KCNH5: variants seen among roughly 807,000 people sequenced by gnomAD.
KCNH5 encodes the protein voltage-gated delayed rectifier potassium channel KCNH5.
KCNH5 carries 46 observed loss-of-function variants against 96.1 expected under a neutral mutation model. The observed-to-expected ratio is 0.48, with a 90% CI of 0.38 to 0.61. The LOEUF (loss-of-function observed/expected upper bound fraction) is 0.61, where lower values mean the gene tolerates loss of function less well. Ranked by LOEUF, KCNH5 falls within the 20% of genes least tolerant of loss-of-function variation. KCNH5 has a pLI of 0.00. For missense variants in KCNH5, 907 were observed against 1,225.8 expected (o/e 0.74, Z 3.88); for synonymous variants, 439 against 449.8 (o/e 0.98, Z 0.30).
chr14:62,937,567 A>C (rs1889709200), intron 7 of KCNH5, among the ~76,000 whole-genome samples: 1 of 152,172 alleles, frequency 6.6e-6, no homozygotes, highest in Non-Finnish European at 1.5e-5. Context: ...ACAGAAGTAA[A>C]AGGAAGGCCA....
At chr14:62,736,015 T>C (rs1478042041) in intron 10 of KCNH5, among the ~76,000 whole-genome samples, 1 of 152,206 alleles carries the variant, frequency 6.6e-6, no homozygotes, top group Non-Finnish European at 1.5e-5. Context: ...AGAGAGACTA[T>C]GGCCCTGCTG....
intron 6 of KCNH5, among the ~76,000 whole-genome samples, chr14:62,970,227 G>T (rs1890381706): frequency 6.6e-6 from 1 of 151,804 alleles, no homozygotes; most frequent in Non-Finnish European, 1.5e-5. Flanking sequence ...CCACAGATTT[G>T]ATAAATCTGA....
chr14:62,808,721 G>C (rs1886817713), intron 8 of KCNH5, among the ~76,000 whole-genome samples: 1 of 152,062 alleles, frequency 6.6e-6, no homozygotes, highest in South Asian at 2.1e-4. Context: ...ATATGACTTA[G>C]TGTATGTTAT....
At chr14:62,850,766 C>A (rs1277251848) in intron 7 of KCNH5, among the ~76,000 whole-genome samples, 3 of 152,096 alleles carry the variant, frequency 2.0e-5, no homozygotes, top group Admixed American at 1.3e-4. Flanking sequence ...AACTTCCCTG[C>A]CCCTCTGGTT....
intron 9 of KCNH5, among the ~76,000 whole-genome samples, chr14:62,795,775 G>C (rs2139993220): frequency 6.6e-6 from 1 of 152,160 alleles, no homozygotes; most frequent in South Asian, 2.1e-4. Context: ...AGGATAAACA[G>C]GGGAAGGATA....
At chr14:62,882,100 TAAAAAAAA>T (rs143123435) in intron 7 of KCNH5, among the ~76,000 whole-genome samples, 5 of 76,672 alleles carry the variant, frequency 6.5e-5, no homozygotes, top group African/African-American at 2.4e-4. Flanking sequence ...CCCCATTTCT[TAAAAAAAA>T]AAAAAAAAAA....
chr14:62,757,572 G>C (rs1885650395), intron 10 of KCNH5, among the ~76,000 whole-genome samples: 1 of 145,048 alleles, frequency 6.9e-6, no homozygotes, highest in Non-Finnish European at 1.5e-5. Context: ...TATAGATAAA[G>C]AAAATGTGGC....
intron 1 of KCNH5, among the ~76,000 whole-genome samples, chr14:63,031,512 G>A (rs942466456): frequency 6.6e-6 from 1 of 151,960 alleles, no homozygotes; most frequent in Non-Finnish European, 1.5e-5. Context: ...CAACATGATC[G>A]GACTGGTTTT....
At chr14:62,825,795 C>T (rs1274773774) in intron 8 of KCNH5, among the ~76,000 whole-genome samples, 1 of 151,402 alleles carries the variant, frequency 6.6e-6, no homozygotes, top group African/African-American at 2.4e-5. Context: ...TACTTTGTCT[C>T]TCTTGCTTTT....
chr14:62,908,875 T>C (rs1030851183), intron 7 of KCNH5, among the ~76,000 whole-genome samples: 1 of 129,370 alleles, frequency 7.7e-6, no homozygotes, highest in African/African-American at 3.0e-5. Context: ...TTCTAGCAAA[T>C]CACCAAACTT....
At chr14:62,821,773 T>C (rs1178073986) in intron 8 of KCNH5, among the ~76,000 whole-genome samples, 1 of 152,100 alleles carries the variant, frequency 6.6e-6, no homozygotes, top group Non-Finnish European at 1.5e-5. Flanking sequence ...ACAGATTTCA[T>C]ATGTAAAAGA....
chr14:62,735,623 C>T (rs936327431), intron 10 of KCNH5, among the ~76,000 whole-genome samples: 1 of 152,064 alleles, frequency 6.6e-6, no homozygotes, highest in African/African-American at 2.4e-5. Context: ...ACAATCCATC[C>T]ACTTCTCACC....
chr14:62,957,810 C>A (rs1890133426), intron 6 of KCNH5, among the ~76,000 whole-genome samples: 1 of 152,130 alleles, frequency 6.6e-6, no homozygotes, highest in Non-Finnish European at 1.5e-5. Flanking sequence ...CTACTCAGGC[C>A]CTAGCCAACT....
Position 62,853,985 on chromosome 14 carries a change from C to T in KCNH5, c.1370-4133G>A, listed in dbSNP as rs550807741. Among the ~76,000 whole-genome samples, 446 of 143,126 alleles carry T rather than the reference C, an allele frequency of 3.1e-3. 2 individuals carry two copies. Among genetic ancestry groups the T allele is most frequent in the African/African-American group, 0.011 (427 of 37,592 alleles). 93.9% of individuals were successfully genotyped at this position (143,126 alleles called of 152,430 possible). ...TAGCACCACTGCACTCCAGCCTGGGCGACAGAGCGAGACTCTGTCAAAAAA... is the reference window on the plus strand; with the variant it reads ...TAGCACCACTGCACTCCAGCCTGGGTGACAGAGCGAGACTCTGTCAAAAAA... On this transcript the variant is annotated intron_variant, in intron 7 of 10. Coordinates refer to ENST00000322893, the MANE Select transcript of KCNH5 (RefSeq NM_139318.5).
chr14:62,961,103 T>C (rs945250214), intron 6 of KCNH5, among the ~76,000 whole-genome samples: 7 of 152,144 alleles, frequency 4.6e-5, no homozygotes, highest in South Asian at 2.1e-4. Flanking sequence ...CTGATTTTTT[T>C]CCAAACATTA....
At chr14:62,771,392 C>T (rs1406382293) in intron 10 of KCNH5, among the ~76,000 whole-genome samples, 4 of 151,954 alleles carry the variant, frequency 2.6e-5, no homozygotes, top group Admixed American at 6.6e-5. Flanking sequence ...TTTGGGAGGC[C>T]GAGGTGGGCA....
intron 7 of KCNH5, among the ~76,000 whole-genome samples, chr14:62,941,241 T>C (rs1008707306): frequency 6.6e-6 from 1 of 152,230 alleles, no homozygotes. Flanking sequence ...GAAAATGTCA[T>C]GCTGTTTTCT....
At chr14:62,858,692 C>T (rs779730207) in intron 7 of KCNH5, among the ~76,000 whole-genome samples, 14 of 152,094 alleles carry the variant, frequency 9.2e-5, no homozygotes, top group Non-Finnish European at 1.8e-4. Context: ...GCTAGTGGAT[C>T]CCTAGGGGTG....
At chr14:62,756,797 A>C (rs1028346642) in intron 10 of KCNH5, among the ~76,000 whole-genome samples, 5 of 152,228 alleles carry the variant, frequency 3.3e-5, no homozygotes, top group African/African-American at 9.6e-5. Context: ...CTAAAAATTA[A>C]AACAAAATGG....
Sources: allele counts gnomAD v4.1 joint callset (sites outside exome capture counted in the v4.1 genomes callset), GRCh38; gene constraint gnomAD v4.1.1; transcripts MANE v1.5; gene names NCBI Gene and HGNC (gene_info 2026-07-23, HGNC 2026-07-21).